Variants in RSU1 observed in about 807,000 individuals in gnomAD.
The protein encoded by RSU1 is Ras suppressor protein 1.
RSU1 carries 26 observed loss-of-function variants against 31.1 expected under a neutral mutation model. The observed-to-expected ratio is 0.84, with a 90% CI of 0.61 to 1.16. The LOEUF is 1.16. Among genes scored for constraint, RSU1 ranks in the 50% most tolerant of loss-of-function variants. The pLI, the probability that RSU1 is intolerant of heterozygous loss-of-function variation, is 0.00. For synonymous variants in RSU1, 164 were observed against 136.3 expected (o/e 1.20, Z -1.41); for missense variants, 320 against 339.1 (o/e 0.94, Z 0.44).
chr10:16,731,923 C>T (rs192763992), intron 7 of RSU1, among the ~76,000 whole-genome samples: 1 of 152,140 alleles, frequency 6.6e-6, no homozygotes, highest in East Asian at 1.9e-4. Flanking sequence ...GATATTTAAT[C>T]CCAGGTCCCA....
intron 3 of RSU1, 50 bp from the exon 4 acceptor site, chr10:16,764,560 A>C: frequency 6.3e-7 from 1 of 1,579,984 alleles, no homozygotes. Context: ...AACTCCTAGC[A>C]AGGGATGGCA....
At chr10:16,790,841 G>C (rs1013889184) in intron 2 of RSU1, among the ~76,000 whole-genome samples, 1 of 152,130 alleles carries the variant, frequency 6.6e-6, no homozygotes, top group Non-Finnish European at 1.5e-5. Context: ...TCACGAAGAC[G>C]TGATTTCTTC....
intron 8 of RSU1, among the ~76,000 whole-genome samples, chr10:16,684,863 A>G (rs1478278569): frequency 6.6e-6 from 1 of 152,230 alleles, no homozygotes; most frequent in African/African-American, 2.4e-5. Context: ...CAAAACTTCA[A>G]TAATTTAATT....
At chr10:16,618,737 CAG>C (rs1834021562) in intron 8 of RSU1, among the ~76,000 whole-genome samples, 11 of 152,182 alleles carry the variant, frequency 7.2e-5, no homozygotes, top group Non-Finnish European at 1.2e-4. Context: ...AACAGAAAAC[CAG>C]ACACCACATG....
At chr10:16,627,550 T>C (rs1834178970) in intron 8 of RSU1, among the ~76,000 whole-genome samples, 1 of 152,054 alleles carries the variant, frequency 6.6e-6, no homozygotes, top group Non-Finnish European at 1.5e-5. Flanking sequence ...GGTTAGGAGT[T>C]CGAGACCAGC....
intron 2 of RSU1, among the ~76,000 whole-genome samples, chr10:16,816,443 G>T (rs893887964): frequency 1.3e-5 from 2 of 152,226 alleles, no homozygotes; most frequent in African/African-American, 2.4e-5. Context: ...CAGTGAAACT[G>T]AAGGCAAGAG....
chr10:16,805,052 T>A (rs1462465320), intron 2 of RSU1, among the ~76,000 whole-genome samples: 2 of 151,868 alleles, frequency 1.3e-5, no homozygotes, highest in Admixed American at 6.6e-5. Flanking sequence ...TAAAAAAAAA[T>A]TTGCCGGGTG....
At chr10:16,756,402 C>G (rs1837087553) in intron 4 of RSU1, among the ~76,000 whole-genome samples, 1 of 152,090 alleles carries the variant, frequency 6.6e-6, no homozygotes, top group Admixed American at 6.6e-5. Flanking sequence ...CTTCCTGGGT[C>G]CAATGAGACA....
intron 7 of RSU1, among the ~76,000 whole-genome samples, chr10:16,728,552 A>G (rs1836441992): frequency 6.6e-6 from 1 of 152,204 alleles, no homozygotes; most frequent in South Asian, 2.1e-4. Context: ...TGAGGTTCAT[A>G]GGTGTGTTAC....
At chr10:16,719,530 G>C (rs569576693) in intron 7 of RSU1, among the ~76,000 whole-genome samples, 1 of 152,308 alleles carries the variant, frequency 6.6e-6, no homozygotes, top group East Asian at 1.9e-4. Flanking sequence ...ACGCCTCCTG[G>C]ATGTCTCCAC....
chr10:16,812,486 A>G (rs1220611270), intron 2 of RSU1, among the ~76,000 whole-genome samples: 1 of 152,176 alleles, frequency 6.6e-6, no homozygotes, highest in African/African-American at 2.4e-5. Context: ...TGATTTTAAT[A>G]GATTATATCT....
intron 3 of RSU1, among the ~76,000 whole-genome samples, chr10:16,779,811 C>T (rs1837612401): frequency 6.6e-6 from 1 of 152,178 alleles, no homozygotes; most frequent in Non-Finnish European, 1.5e-5. Flanking sequence ...ACTATAAACA[C>T]TTGAAAAACC....
intron 3 of RSU1, chr10:16,767,247 G>A (rs1298451336): frequency 1.3e-5 from 2 of 152,180 alleles, no homozygotes; most frequent in Non-Finnish European, 2.9e-5. Context: ...GAAACCAGGA[G>A]AAAATGATGA....
intron 7 of RSU1, among the ~76,000 whole-genome samples, chr10:16,714,005 G>A (rs1836074463): frequency 1.3e-5 from 2 of 152,172 alleles, no homozygotes; most frequent in East Asian, 3.9e-4. Flanking sequence ...GGTATTTGTG[G>A]TGGTCGTAGT....
intron 7 of RSU1, among the ~76,000 whole-genome samples, chr10:16,701,241 A>C (rs1835787110): frequency 6.6e-6 from 1 of 152,246 alleles, no homozygotes; most frequent in Admixed American, 6.5e-5. Context: ...TAATTGGTAC[A>C]AAACAGTATC....
chr10:16,684,187 G>A (rs1835393922), intron 8 of RSU1, among the ~76,000 whole-genome samples: 1 of 152,350 alleles, frequency 6.6e-6, no homozygotes, highest in South Asian at 2.1e-4. Flanking sequence ...ACAAAGGATG[G>A]CTGTGCAGGG....
intron 4 of RSU1, among the ~76,000 whole-genome samples, chr10:16,756,621 A>C (rs1235838358): frequency 6.6e-6 from 1 of 152,268 alleles, no homozygotes. Flanking sequence ...TGCAGAATAG[A>C]ATACATGTAA....
At chr10:16,600,417 G>A (rs931527714) in intron 8 of RSU1, among the ~76,000 whole-genome samples, 4 of 152,124 alleles carry the variant, frequency 2.6e-5, no homozygotes, top group African/African-American at 9.7e-5. Context: ...TTCAAGCTCC[G>A]TGCAACTGAC....
chr10:16,805,498 T>A (rs572689538), intron 2 of RSU1, among the ~76,000 whole-genome samples: 1 of 151,420 alleles, frequency 6.6e-6, no homozygotes, highest in African/African-American at 2.4e-5. Flanking sequence ...GGTGAAACCC[T>A]GTCTCTACTA....
Sources: gnomAD v4.1 joint callset for allele counts (sites outside exome capture counted in the v4.1 genomes callset) on GRCh38, gnomAD v4.1.1 for gene constraint, MANE v1.5 for transcripts, NCBI Gene and HGNC (gene_info 2026-07-23, HGNC 2026-07-21) for gene names.